Variants in NPEPPS observed in about 807,000 individuals in gnomAD.
The protein encoded by NPEPPS is puromycin-sensitive aminopeptidase.
NPEPPS carries 14 observed loss-of-function variants against 115.5 expected under a neutral mutation model. That is an observed-to-expected ratio of 0.12 (90% CI 0.08 to 0.19). The LOEUF is 0.19. Ranked by LOEUF, NPEPPS falls within the 10% of genes least tolerant of loss-of-function variation. The pLI, the probability that NPEPPS is intolerant of heterozygous loss-of-function variation, is 1.00. For missense variants in NPEPPS, 523 were observed against 1,110.8 expected, an observed-to-expected ratio of 0.47 and a Z score of 7.52; for synonymous variants, 285 against 390.6, an observed-to-expected ratio of 0.73 and a Z score of 3.19.
intron 2 of NPEPPS, among the ~76,000 whole-genome samples, chr17:47,549,437 G>A (rs549692523): frequency 1.3e-4 from 20 of 152,116 alleles, no homozygotes; most frequent in African/African-American, 4.8e-4. Flanking sequence ...GTAAGCCCAC[G>A]TAATTTTAGA....
chr17:47,603,920 C>A lies in NPEPPS; in HGVS notation c.1746C>A (p.Asn582Lys). Residue 582 changes from asparagine (N) to lysine (K), a missense_variant, in exon 16 of 23, where the codon AAC becomes AAA. Asn to Lys is a moderately conservative substitution (Grantham distance 94). Coordinates refer to ENST00000322157, the MANE Select transcript of NPEPPS (RefSeq NM_006310.4). ...CTTACTGGATATCTTTGCAGTTAAA[C>A]TTAGGAACAGTTGGGTTTTATCGGA... Reference protein sequence around the residue: ...NVKPDQWVKLNLGTVGFYRTQ... With the variant: ...NVKPDQWVKLKLGTVGFYRTQ... The A allele has an allele frequency of 1.2e-6, 2 of 1,608,260 alleles. No individual in the cohort carries two copies. Among genetic ancestry groups the A allele is most frequent in the Non-Finnish European group, 1.7e-6 (2 of 1,176,900 alleles).
At position 47,605,498 on chromosome 17, in the gene NPEPPS, G is replaced by A; in HGVS notation, c.2041G>A (p.Asp681Asn). ...FYEEIQEFVK[D>N]VFSPIGERLG... ...TGAGGAAATCCAGGAGTTTGTGAAA[G>A]ATGTCTTTTCACCTATAGGGGAGAG... is the stretch of plus-strand genomic sequence containing the variant. The change falls in exon 17 of 23, where the codon GAT (aspartate) becomes AAT (asparagine). Residue 681 changes from aspartate (D) to asparagine (N), a missense_variant. Physicochemically the swap from Asp to Asn is conservative, Grantham distance 23 (BLOSUM62 1). This residue lies in a region of NPEPPS where 372 missense variants were observed against 542.6 expected (regional missense o/e 0.69). Transcript: ENST00000322157. 6.2e-7 allele frequency: 1 copy of A among 1,603,306 alleles called. No homozygotes were observed. Among genetic ancestry groups the A allele is most frequent in the East Asian group, 2.2e-5 (1 of 44,710 alleles).
At chr17:47,562,626 G>A (rs1321613465) in intron 2 of NPEPPS, among the ~76,000 whole-genome samples, 4 of 151,180 alleles carry the variant, frequency 2.6e-5, no homozygotes, top group East Asian at 1.9e-4. Flanking sequence ...GTGTGTGTGT[G>A]TGTGTGTATA....
At chr17:47,553,565 C>T (rs1350262991) in intron 2 of NPEPPS, among the ~76,000 whole-genome samples, 4 of 152,040 alleles carry the variant, frequency 2.6e-5, no homozygotes, top group Non-Finnish European at 5.9e-5. Context: ...CTAAGACCCC[C>T]AATGGTATGC....
At chr17:47,586,817 A>T (rs529865467) in intron 8 of NPEPPS, 4 of 462,554 alleles carry the variant, frequency 8.6e-6, no homozygotes, top group Non-Finnish European at 1.7e-5. Context: ...TTCTACTTTC[A>T]ATTGCCTTTT....
intron 19 of NPEPPS, among the ~76,000 whole-genome samples, chr17:47,616,555 G>T (rs1332351477): frequency 2.0e-4 from 31 of 152,050 alleles, no homozygotes; most frequent in Non-Finnish European, 1.3e-4. Flanking sequence ...GTGGTGGCGG[G>T]CGCCTGTAGT....
At chr17:47,544,777 G>A (rs1266269532) in intron 1 of NPEPPS, among the ~76,000 whole-genome samples, 92 of 138,354 alleles carry the variant, frequency 6.6e-4, no homozygotes, top group Admixed American at 6.3e-3. Flanking sequence ...GCAATGGTGC[G>A]ATCTCGGCCC....
rs368991051 is a variant in NPEPPS at position 47,590,758 on chromosome 17, C to A, written c.1137C>A (p.Ser379=). 452 of 1,601,004 alleles carry A rather than the reference C, an allele frequency of 2.8e-4. No individual in the cohort carries two copies. The highest frequency in any genetic ancestry group is 3.6e-4 in the Non-Finnish European group (426 of 1,174,842). Residue 379 remains serine, a synonymous_variant, in exon 10 of 23, where the codon TCC becomes TCA. Transcript: ENST00000322157. ...THLWLNEGFA[S]WIEYLCVDHC... is the part of the protein sequence containing the mutation. Reference sequence around the variant, plus strand: ...TTTGGTTAAATGAAGGTTTTGCATCCTGGATTGAATATCTGTGTGTAGACC... The same window carrying A: ...TTTGGTTAAATGAAGGTTTTGCATCATGGATTGAATATCTGTGTGTAGACC...
chr17:47,562,021 G>T lies in NPEPPS; in HGVS notation c.341-7396G>T, dbSNP rs539294343. ...TTCCAGATAGCTGAACACGTGGAGG[G>T]TCCTGGAGGGTGGTGCACCCAGGGA... On this transcript the variant is annotated intron_variant, in intron 2 of 22. Coordinates refer to ENST00000322157, the MANE Select transcript of NPEPPS (RefSeq NM_006310.4). Among the ~76,000 whole-genome samples the T allele has an allele frequency of 2.7e-3, 415 of 152,358 alleles. 1 individual carries two copies. Among genetic ancestry groups the T allele is most frequent in the Non-Finnish European group, 4.7e-3 (318 of 68,028 alleles).
At chr17:47,574,258 T>A (rs1911372850) in intron 3 of NPEPPS, among the ~76,000 whole-genome samples, 1 of 151,782 alleles carries the variant, frequency 6.6e-6, no homozygotes, top group African/African-American at 2.4e-5. Flanking sequence ...ATGAAATAAG[T>A]GAAGTGAGGG....
At chr17:47,524,127 GA>G (rs113714334) in intron 1 of NPEPPS, among the ~76,000 whole-genome samples, 67,706 of 150,918 alleles carry the variant, frequency 0.45, 16,125 homozygotes, top group East Asian at 0.55. Flanking sequence ...CCAACATGGT[GA>G]AACCCCCTCT....
At chr17:47,542,879 C>T (rs968815818) in intron 1 of NPEPPS, among the ~76,000 whole-genome samples, 3 of 152,122 alleles carry the variant, frequency 2.0e-5, no homozygotes. Context: ...TGGCTCACGT[C>T]TGTAATCTCA....
intron 1 of NPEPPS, among the ~76,000 whole-genome samples, chr17:47,544,901 C>T (rs1028939911): frequency 6.7e-5 from 10 of 149,220 alleles, no homozygotes; most frequent in Non-Finnish European, 1.3e-4. Context: ...GATGGGGTTA[C>T]ACCATGTTGG....
chr17:47,582,103 G>C (rs2143841176), intron 4 of NPEPPS: 1 of 152,536 alleles, frequency 6.6e-6, no homozygotes, highest in Middle Eastern at 3.4e-3. Context: ...CTGATACCCT[G>C]CAGAACCCCT....
chr17:47,553,630 A>G (rs1317369915), intron 2 of NPEPPS, among the ~76,000 whole-genome samples: 1 of 152,164 alleles, frequency 6.6e-6, no homozygotes, highest in Non-Finnish European at 1.5e-5. Context: ...CCCTATACAT[A>G]TGTACTATGA....
chr17:47,587,838 G>A (rs1293071181), intron 9 of NPEPPS, among the ~76,000 whole-genome samples: 1 of 151,498 alleles, frequency 6.6e-6, no homozygotes, highest in East Asian at 1.9e-4. Context: ...TAAACAAACT[G>A]CAGAGTGACT....
chr17:47,592,615 A>G (rs1912578904), intron 12 of NPEPPS, 70 bp downstream of exon 12: 1 of 1,337,646 alleles, frequency 7.5e-7, no homozygotes, highest in South Asian at 1.3e-5. Context: ...GGGACATTTT[A>G]TTTTTGTTCT....
chr17:47,582,237 C>T (rs533216611), intron 4 of NPEPPS: 1 of 164,950 alleles, frequency 6.1e-6, no homozygotes, highest in Non-Finnish European at 1.3e-5. Context: ...AAATGAATGA[C>T]CTGTCTTGAA....
In NPEPPS at chr17:47,596,438, C is replaced by T; in HGVS notation, c.1512C>T (p.Pro504=). The T allele has an allele frequency of 6.3e-7, 1 of 1,587,280 alleles. No individual in the cohort carries two copies. ...CCTGGACCAAACAAATGGGATTTCC[C>T]CTCATTTATGTGGAAGCTGAACAGG... ...MNTWTKQMGF[P]LIYVEAEQVE... Residue 504 remains proline, a synonymous_variant, in exon 13 of 23, where the codon CCC becomes CCT. Coordinates refer to ENST00000322157, the MANE Select transcript of NPEPPS (RefSeq NM_006310.4).
Sources: allele counts gnomAD v4.1 joint callset (sites outside exome capture counted in the v4.1 genomes callset), GRCh38; gene constraint gnomAD v4.1.1; regional missense constraint gnomAD v4.1.1; transcripts MANE v1.5; gene names NCBI Gene and HGNC (gene_info 2026-07-23, HGNC 2026-07-21).